Variants in ANKRD44 observed in about 807,000 individuals in gnomAD.
The protein encoded by ANKRD44 is ankyrin repeat domain 44, also known as serine/threonine-protein phosphatase 6 regulatory ankyrin repeat subunit B.
A neutral mutation model predicts 116.0 loss-of-function variants in ANKRD44; 35 were observed. The observed-to-expected ratio is 0.30, with a 90% CI of 0.23 to 0.40. The LOEUF (loss-of-function observed/expected upper bound fraction) is 0.40. Among genes scored for constraint, ANKRD44 ranks in the 10% least tolerant of loss-of-function variants. ANKRD44 has a pLI of 1.00. For missense variants in ANKRD44, 1,014 were observed against 1,242.6 expected (o/e 0.82, Z 2.77); for synonymous variants, 435 against 461.8 (o/e 0.94, Z 0.74).
chr2:197,180,644 GAAA>G (rs910573181), intron 2 of ANKRD44, among the ~76,000 whole-genome samples: 1 of 152,074 alleles, frequency 6.6e-6, no homozygotes, highest in African/African-American at 2.4e-5. Flanking sequence ...ATGTAGGTGA[GAAA>G]AATACATAAA....
chr2:197,263,958 A>AG (rs11383476), intron 1 of ANKRD44, among the ~76,000 whole-genome samples: 125,674 of 152,106 alleles, frequency 0.83, 52,039 homozygotes, highest in South Asian at 0.9. Context: ...TGTTCTTAAA[A>AG]GAAAGGAGGC....
intron 1 of ANKRD44, among the ~76,000 whole-genome samples, chr2:197,242,358 CA>C (rs2082107243): frequency 6.6e-6 from 1 of 152,144 alleles, no homozygotes; most frequent in African/African-American, 2.4e-5. Context: ...TCTAGAAAAG[CA>C]AAATCAAATT....
At chr2:196,997,353 A>G (rs2125889576) in intron 25 of ANKRD44, among the ~76,000 whole-genome samples, 1 of 151,680 alleles carries the variant, frequency 6.6e-6, no homozygotes, top group South Asian at 2.1e-4. Flanking sequence ...TTTAAAAGAT[A>G]TTAATATTAT....
intron 16 of ANKRD44, among the ~76,000 whole-genome samples, chr2:197,053,813 A>G (rs1574360124): frequency 1.3e-5 from 2 of 152,224 alleles, no homozygotes; most frequent in African/African-American, 4.8e-5. Flanking sequence ...TGATATGGCT[A>G]TTTATGCTGG....
rs1433238292 is a variant in ANKRD44 at position 197,187,035 on chromosome 2, A to G, written c.99T>C (p.Asp33=). 3 of 1,614,006 alleles carry G rather than the reference A, an allele frequency of 1.9e-6. No homozygotes were observed. Among genetic ancestry groups the G allele is most frequent in the East Asian group, 2.2e-5 (1 of 44,892 alleles). Residue 33 remains aspartate (D), a synonymous_variant, in exon 2 of 28, where the codon GAT becomes GAC. Transcript: ENST00000282272. ...CAGTATCTCTTACCAGAGTATTCAC[A>G]TCTTCAGTTTTATGGATGAGCATCC... ...EIRMLIHKTE[D]VNTLDSEKRT... is the part of the protein sequence containing the mutation.
intron 1 of ANKRD44, among the ~76,000 whole-genome samples, chr2:197,254,167 C>T (rs564848852): frequency 6.6e-6 from 1 of 152,298 alleles, no homozygotes; most frequent in South Asian, 2.1e-4. Flanking sequence ...CCAAGGCGGG[C>T]AGATCACCTG....
rs1215602141 is a variant in ANKRD44 at position 196,988,725 on chromosome 2, C to T, written c.*866G>A. 3.9e-5 allele frequency: 38 copies of T among 985,234 alleles called. No homozygotes were observed. The South Asian group carries it at 1.2e-3, about 30-fold the overall frequency. 61.0% of individuals were successfully genotyped at this position (985,234 alleles called of 1,614,324 possible). On this transcript the variant is annotated 3_prime_UTR_variant, in exon 28 of 28. Transcript: ENST00000282272. ...AACGTCAGAGAGTACTGCTCTAATT[C>T]GACACATTTCTTTTCTGTCTCTTCC...
intron 1 of ANKRD44, among the ~76,000 whole-genome samples, chr2:197,285,066 G>C (rs1039297241): frequency 2.0e-5 from 3 of 151,668 alleles, no homozygotes; most frequent in Non-Finnish European, 2.9e-5. Flanking sequence ...CTCCCTAAAA[G>C]ATGTTCCCTT....
At chr2:197,115,207 T>C (rs531995248) in intron 8 of ANKRD44, among the ~76,000 whole-genome samples, 1 of 152,324 alleles carries the variant, frequency 6.6e-6, no homozygotes, top group Non-Finnish European at 1.5e-5. Context: ...AACCTGGCAA[T>C]GGCAATTTCT....
At chr2:197,097,818 T>G (rs1202330721) in intron 10 of ANKRD44, among the ~76,000 whole-genome samples, 2 of 152,212 alleles carry the variant, frequency 1.3e-5, no homozygotes, top group Non-Finnish European at 2.9e-5. Context: ...TAGAATTCTT[T>G]AACAGCTTCC....
At chr2:197,229,326 A>C (rs1472496929) in intron 1 of ANKRD44, among the ~76,000 whole-genome samples, 1 of 152,234 alleles carries the variant, frequency 6.6e-6, no homozygotes, top group Non-Finnish European at 1.5e-5. Flanking sequence ...TGAGGAAAAA[A>C]TGAAAATGAA....
At chr2:197,299,286 A>G (rs982925534) in intron 1 of ANKRD44, among the ~76,000 whole-genome samples, 2 of 152,148 alleles carry the variant, frequency 1.3e-5, no homozygotes, top group African/African-American at 4.8e-5. Flanking sequence ...ACAAATATGT[A>G]TAAGATTAAA....
At chr2:197,197,998 G>A (rs1490590447) in intron 1 of ANKRD44, 2 of 152,352 alleles carry the variant, frequency 1.3e-5, no homozygotes, top group Non-Finnish European at 2.9e-5. Context: ...GGAGAAGGGA[G>A]AGAAATTGTA....
chr2:197,028,816 C>T, intron 16 of ANKRD44: 1 of 214,540 alleles, frequency 4.7e-6, no homozygotes, highest in Non-Finnish European at 9.2e-6. Flanking sequence ...CAGAGGTTTC[C>T]TCTGCTTCTT....
At chr2:197,039,776 C>A (rs58060083) in intron 16 of ANKRD44, among the ~76,000 whole-genome samples, 41,037 of 150,984 alleles carry the variant, frequency 0.27, 6,407 homozygotes, top group African/African-American at 0.44. Context: ...TTAATCAGCC[C>A]TTATCATATC....
Position 197,187,008 on chromosome 2 carries a change from C to A in ANKRD44, c.111+15G>T. On this transcript the variant is annotated intron_variant, in intron 2 of 27. Coordinates refer to ENST00000282272, the MANE Select transcript of ANKRD44 (RefSeq NM_001195144.2). ...GCTAACAGGGCCTGAGTAGCAAAAC[C>A]ACAGTATCTCTTACCAGAGTATTCA... 6.2e-7 allele frequency: 1 copy of A among 1,613,026 alleles called. No homozygotes were observed. The highest frequency in any genetic ancestry group is 8.5e-7 in the Non-Finnish European group (1 of 1,179,278).
intron 16 of ANKRD44, among the ~76,000 whole-genome samples, chr2:197,062,990 C>G (rs1044215882): frequency 2.7e-4 from 41 of 152,334 alleles, no homozygotes; most frequent in African/African-American, 9.4e-4. Context: ...CAGCACACAG[C>G]TGGAGATCTG....
At chr2:197,068,192 C>T (rs2077475282) in intron 16 of ANKRD44, among the ~76,000 whole-genome samples, 1 of 103,882 alleles carries the variant, frequency 9.6e-6, no homozygotes, top group Admixed American at 1.1e-4. Context: ...AGGGGAATAT[C>T]ACACTCTGGG....
chr2:197,308,620 G>A (rs1253421369), intron 1 of ANKRD44, among the ~76,000 whole-genome samples: 6 of 152,062 alleles, frequency 3.9e-5, no homozygotes, highest in South Asian at 2.1e-4. Context: ...CCAAATAAAC[G>A]TTGTGTGACT....
Sources: gnomAD v4.1 joint callset for allele counts (sites outside exome capture counted in the v4.1 genomes callset) on GRCh38, gnomAD v4.1.1 for gene constraint, MANE v1.5 for transcripts, NCBI Gene and HGNC (gene_info 2026-07-23, HGNC 2026-07-21) for gene names.